The following PDZD2 variants were observed in gnomAD, a reference collection of about 807,000 sequenced individuals.
PDZD2 encodes PDZ domain containing 2.
A neutral mutation model predicts 220.7 loss-of-function variants in PDZD2; 90 were observed. The observed-to-expected ratio is 0.41, with a 90% confidence interval of 0.34 to 0.49. The LOEUF is 0.49. PDZD2 is among the 20% of genes least tolerant of loss of function. PDZD2 has a pLI of 0.28. For synonymous variants in PDZD2, 1,375 were observed against 1,450.5 expected, an observed-to-expected ratio of 0.95 and a Z score of 1.18; for missense variants, 3,174 against 3,608.5, an observed-to-expected ratio of 0.88 and a Z score of 3.08.
rs141828981 is a variant in PDZD2 at position 32,058,008 on chromosome 5, C to T, written c.2105C>T (p.Ser702Leu). 2.3e-4 allele frequency: 379 copies of T among 1,613,046 alleles called. No individual in the cohort carries two copies. The highest frequency in any genetic ancestry group is 2.9e-4 in the Non-Finnish European group (342 of 1,179,232). ...AACTTCAATACCAGTGGGGGAGCCT[C>T]AGCGGGAGGTTCCGATGAAGGCAGT... The part of the protein sequence containing the change: ...SPNFNTSGGA[S>L]AGGSDEGSSS... The change falls in exon 12 of 25, where the codon TCA becomes TTA. Residue 702 changes from serine (S) to leucine (L), a missense_variant. Ser to Leu is a moderately radical substitution (Grantham distance 145, BLOSUM62 -2). This residue lies in a region of PDZD2 where 1,861 missense variants were observed against 2,001.0 expected (regional missense o/e 0.93). Coordinates refer to ENST00000438447, the MANE Select transcript of PDZD2 (RefSeq NM_178140.4).
intron 1 of PDZD2, among the ~76,000 whole-genome samples, chr5:31,693,192 G>A (rs1221868108): frequency 8.1e-6 from 1 of 123,848 alleles, no homozygotes; most frequent in Admixed American, 8.4e-5. Context: ...GGAGGACAGG[G>A]AAAAGAGGAC....
chr5:31,821,603 T>C (rs1343383594), intron 2 of PDZD2, among the ~76,000 whole-genome samples: 1 of 152,026 alleles, frequency 6.6e-6, no homozygotes, highest in Non-Finnish European at 1.5e-5. Context: ...ATGGTCTCGA[T>C]CTTTTGACCT....
intron 1 of PDZD2, among the ~76,000 whole-genome samples, chr5:31,776,626 T>TTTTATTTATTTATTTA (rs150070722): frequency 4.1e-4 from 58 of 141,116 alleles, no homozygotes; most frequent in South Asian, 1.9e-3. Flanking sequence ...TTATTTTTTA[T>TTTTATTTATTTATTTA]TTTATTTATT....
chr5:31,799,519 C>T lies in PDZD2; in HGVS notation c.271C>T (p.Pro91Ser), dbSNP rs774384119. The change falls in exon 2 of 25, where the codon CCT becomes TCT. Residue 91 changes from proline (P) to serine (S), a missense_variant. Around this residue, in one of 4 missense-constraint regions of PDZD2, gnomAD observed 632 missense variants for 708.1 expected, o/e 0.89. Coordinates refer to ENST00000438447, the MANE Select transcript of PDZD2 (RefSeq NM_178140.4). ...TGTGGGCCTGAGTTTTGGGAACATCCCTGTTTTCGGGGACTATGGTGAAAA... is the reference window on the plus strand; with the variant it reads ...TGTGGGCCTGAGTTTTGGGAACATCTCTGTTTTCGGGGACTATGGTGAAAA... ...ETVGLSFGNI[P>S]VFGDYGEKRR... The T allele has an allele frequency of 5.0e-6, 8 of 1,614,036 alleles. No individual in the cohort carries two copies. The Admixed American group carries it at 5.0e-5, about 10-fold the overall frequency.
At chr5:31,644,360 A>T (rs1361589492) in intron 1 of PDZD2, among the ~76,000 whole-genome samples, 1 of 152,138 alleles carries the variant, frequency 6.6e-6, no homozygotes. Flanking sequence ...TCTAGCGGGG[A>T]GTGTTTGAAG....
intron 2 of PDZD2, among the ~76,000 whole-genome samples, chr5:31,926,539 A>AAAG (rs1236152722): frequency 3.0e-4 from 46 of 151,570 alleles, no homozygotes; most frequent in Non-Finnish European, 6.5e-4. Flanking sequence ...AAAAAAAAAA[A>AAAG]AAAAAAGAAA....
intron 1 of PDZD2, among the ~76,000 whole-genome samples, chr5:31,668,831 A>G (rs1746100922): frequency 6.6e-6 from 1 of 152,238 alleles, no homozygotes; most frequent in Non-Finnish European, 1.5e-5. Context: ...TAGAAACAGC[A>G]TCCCAGGAGT....
At chr5:31,813,327 A>G (rs1398249127) in intron 2 of PDZD2, among the ~76,000 whole-genome samples, 81 of 151,924 alleles carry the variant, frequency 5.3e-4, no homozygotes, top group African/African-American at 1.9e-3. Flanking sequence ...GCAGGCGTCT[A>G]TAGTCCCAGC....
At chr5:31,865,290 T>G (rs910386180) in intron 2 of PDZD2, among the ~76,000 whole-genome samples, 6 of 152,048 alleles carry the variant, frequency 3.9e-5, no homozygotes, top group Admixed American at 1.3e-4. Flanking sequence ...GCAACTCTTT[T>G]TTGTTGTTGT....
intron 1 of PDZD2, among the ~76,000 whole-genome samples, chr5:31,763,929 G>C (rs913777353): frequency 2.0e-5 from 3 of 151,404 alleles, no homozygotes; most frequent in African/African-American, 7.3e-5. Flanking sequence ...TAGTGAGCTC[G>C]GGCTCTGACT....
chr5:31,936,123 G>C, intron 2 of PDZD2: 3 of 984,416 alleles, frequency 3.0e-6, no homozygotes. Flanking sequence ...AAGCCGGGAG[G>C]AGAGAGAGAG....
rs937022273 is a variant in PDZD2, at chr5:32,077,521, C to T, written c.3597C>T (p.Ala1199=). 1 of 1,613,874 alleles carries T rather than the reference C, an allele frequency of 6.2e-7. No individual in the cohort carries two copies. Among genetic ancestry groups the T allele is most frequent in the Non-Finnish European group, 8.5e-7 (1 of 1,179,736 alleles). ...GTGTCTCTACCAGCTGTGAACTAGCCAGTGCTCTGTCCCATCTGGATGCCA... is the reference window on the plus strand; with the variant it reads ...GTGTCTCTACCAGCTGTGAACTAGCTAGTGCTCTGTCCCATCTGGATGCCA... ...DACVSTSCEL[A]SALSHLDASH... is the part of the protein sequence containing the mutation. Residue 1199 remains alanine, a synonymous_variant, in exon 19 of 25, where the codon GCC becomes GCT. Coordinates refer to ENST00000438447, the MANE Select transcript of PDZD2 (RefSeq NM_178140.4).
chr5:31,870,035 C>G (rs1195668612), intron 2 of PDZD2, among the ~76,000 whole-genome samples: 1 of 152,082 alleles, frequency 6.6e-6, no homozygotes, highest in South Asian at 2.1e-4. Flanking sequence ...AGCCACTGAC[C>G]CTGCCAGCTG....
intron 2 of PDZD2, among the ~76,000 whole-genome samples, chr5:31,923,758 G>A (rs563620904): frequency 1.4e-4 from 22 of 152,320 alleles, no homozygotes; most frequent in Middle Eastern, 6.8e-3. Flanking sequence ...AAATACACTT[G>A]CAGTAAGTCA....
At chr5:32,037,406 G>GATGAAGCC in intron 7 of PDZD2, 64 bp downstream of exon 7, 2 of 928,322 alleles carry the variant, frequency 2.2e-6, no homozygotes, top group South Asian at 2.8e-5. Context: ...GGAGCAGGGA[G>GATGAAGCC]ATGAAGCCAT....
chr5:32,090,347 C>T lies in PDZD2; in HGVS notation c.6899C>T (p.Ser2300Leu), dbSNP rs139430701. 38 of 1,614,082 alleles carry T rather than the reference C, an allele frequency of 2.4e-5. No homozygotes were observed. Among genetic ancestry groups the T allele is most frequent in the Non-Finnish European group, 3.0e-5 (35 of 1,180,016 alleles). ...LPATDEGDII[S>L]VQETSCLVTD... ...GCCACAGATGAAGGGGATATCATTTCAGTCCAGGAGACGAGCTGCCTAGTC... is the reference window on the plus strand; with the variant it reads ...GCCACAGATGAAGGGGATATCATTTTAGTCCAGGAGACGAGCTGCCTAGTC... The change falls in exon 20 of 25, where the codon TCA becomes TTA. Residue 2300 changes from serine (S) to leucine (L), a missense_variant. Around this residue, in one of 4 missense-constraint regions of PDZD2, gnomAD observed 631 missense variants for 789.9 expected, o/e 0.80. Coordinates refer to ENST00000438447, the MANE Select transcript of PDZD2 (RefSeq NM_178140.4). The surrounding 1 kb of genome is among the most constrained non-coding windows in gnomAD (Gnocchi z 4.3).
At chr5:31,709,059 T>C (rs1285791003) in intron 1 of PDZD2, among the ~76,000 whole-genome samples, 2 of 151,978 alleles carry the variant, frequency 1.3e-5, no homozygotes, top group Non-Finnish European at 2.9e-5. Context: ...GGCTAATTTT[T>C]GTATTTTTAG....
chr5:31,673,788 T>C (rs561237581), intron 1 of PDZD2, among the ~76,000 whole-genome samples: 1 of 152,174 alleles, frequency 6.6e-6, no homozygotes, highest in Non-Finnish European at 1.5e-5. Context: ...CTGGCCAACA[T>C]GGTGAAACCT....
At chr5:32,008,069 T>C (rs7730874) in intron 5 of PDZD2, among the ~76,000 whole-genome samples, 37,049 of 151,704 alleles carry the variant, frequency 0.24, 9,443 homozygotes, top group African/African-American at 0.65. Flanking sequence ...ATGGGAGGAC[T>C]ACTTGAGGCC....
Sources: gnomAD v4.1 joint callset for allele counts (sites outside exome capture counted in the v4.1 genomes callset) on GRCh38, gnomAD v4.1.1 for gene constraint, gnomAD v4.1.1 regional missense constraint, Gnocchi (gnomAD v3.1) non-coding constraint, MANE v1.5 for transcripts, NCBI Gene and HGNC (gene_info 2026-07-23, HGNC 2026-07-21) for gene names.